Variants in SLX4IP observed in about 807,000 individuals in gnomAD.
SLX4IP encodes the protein SLX4 interacting protein, also known as protein SLX4IP.
In SLX4IP, 34 loss-of-function variants were observed where a neutral mutation model predicts 32.9. That is an observed-to-expected ratio of 1.03 (90% CI 0.79 to 1.38). The LOEUF is 1.38. SLX4IP is among the 40% of genes most tolerant of loss of function. The pLI, the probability that SLX4IP is intolerant of heterozygous loss-of-function variation, is 0.00. For missense variants in SLX4IP, 444 were observed against 479.0 expected (o/e 0.93, Z 0.68); for synonymous variants, 172 against 171.7 (o/e 1.00, Z -0.01).
At chr20:10,516,243 G>A (rs1324953166) in intron 2 of SLX4IP, among the ~76,000 whole-genome samples, 2 of 152,222 alleles carry the variant, frequency 1.3e-5, no homozygotes, top group East Asian at 3.9e-4. Flanking sequence ...GCCTTCCTAG[G>A]CATGGGTAGG....
intron 4 of SLX4IP, among the ~76,000 whole-genome samples, chr20:10,575,328 A>G (rs757495672): frequency 3.3e-5 from 5 of 152,200 alleles, no homozygotes; most frequent in African/African-American, 9.6e-5. Context: ...TGTTGGGAAC[A>G]TAGTACCTGG....
At chr20:10,539,656 TA>T (rs1157620533) in intron 2 of SLX4IP, among the ~76,000 whole-genome samples, 1 of 152,200 alleles carries the variant, frequency 6.6e-6, no homozygotes, top group Admixed American at 6.5e-5. Flanking sequence ...GGAATTTACT[TA>T]AAACAAGGAA....
chr20:10,533,697 G>A (rs1323137209), intron 2 of SLX4IP, among the ~76,000 whole-genome samples: 1 of 145,374 alleles, frequency 6.9e-6, no homozygotes, highest in Admixed American at 7.2e-5. Context: ...TTAGCTCACT[G>A]CAAGCTCCAC....
chr20:10,451,529 A>G (rs879510781), intron 1 of SLX4IP, among the ~76,000 whole-genome samples: 2 of 152,212 alleles, frequency 1.3e-5, no homozygotes, highest in Admixed American at 6.5e-5. Flanking sequence ...ACAAGTGTCT[A>G]TTGAGCACCT....
chr20:10,511,184 C>G (rs569467343), intron 2 of SLX4IP, among the ~76,000 whole-genome samples: 55 of 152,352 alleles, frequency 3.6e-4, no homozygotes, highest in Non-Finnish European at 6.6e-4. Context: ...TTCTCATAAT[C>G]TGCTGACACC....
chr20:10,616,546 C>T (rs995889800), intron 6 of SLX4IP, among the ~76,000 whole-genome samples: 5 of 151,866 alleles, frequency 3.3e-5, no homozygotes, highest in African/African-American at 4.8e-5. Flanking sequence ...ACCACCAGTA[C>T]ACACACACAC....
Position 10,518,507 on chromosome 20 carries a change from TTCC to T in SLX4IP, c.28-37722_28-37720del, listed in dbSNP as rs1399162181. 1.4e-4 allele frequency among the ~76,000 whole-genome samples: 13 copies of T among 93,034 alleles called. 1 individual carries two copies. Among genetic ancestry groups the T allele is most frequent in the Non-Finnish European group, 1.5e-4 (6 of 40,726 alleles). 61.0% of individuals were successfully genotyped at this position (93,034 alleles called of 152,430 possible). A position where few individuals can be genotyped will look rare whatever the true frequency, so the allele number is the denominator to read the frequency against. On this transcript the variant is annotated intron_variant, in intron 2 of 7. Coordinates refer to ENST00000334534, the MANE Select transcript of SLX4IP (RefSeq NM_001009608.3). ...CCTTTCCTTTTCCTTCCTTCCTTCC[TTCC>T]TTCCTTCCTTCCTTCCTTCCTTCCT... is the stretch of plus-strand genomic sequence containing the variant.
chr20:10,622,791 T>C lies in SLX4IP; in HGVS notation c.639T>C (p.Ser213=), dbSNP rs1419259891. The C allele has an allele frequency of 3.1e-6, 5 of 1,614,022 alleles. No individual in the cohort carries two copies. Among genetic ancestry groups the C allele is most frequent in the Non-Finnish European group, 4.2e-6 (5 of 1,180,008 alleles). The part of the protein sequence containing the change: ...RRRNDGQASS[S]PPSESMGQAK... The stretch of plus-strand genomic sequence containing the variant: ...GGAATGATGGTCAGGCTTCCTCCAG[T>C]CCCCCATCAGAATCCATGGGACAAG... The change falls in exon 8 of 8, where the codon AGT becomes AGC. Residue 213 remains serine (S), a synonymous_variant. Transcript: ENST00000334534.
At position 10,495,933 on chromosome 20, in the gene SLX4IP, T is replaced by G. The variant is rs1041295431; in HGVS notation, c.27+37702T>G. On this transcript the variant is annotated intron_variant, in intron 2 of 7. Transcript: ENST00000334534. ...TGGTTGATTTTTAATTTTGTTTCAT[T>G]TTTGGTTAAATTTTTAAAGACATTT... Among the ~76,000 whole-genome samples the G allele has an allele frequency of 2.0e-5, 3 of 152,228 alleles. No homozygotes were observed. The South Asian group carries it at 6.2e-4, about 32-fold the overall frequency.
At chr20:10,460,383 A>G (rs1449084333) in intron 2 of SLX4IP, among the ~76,000 whole-genome samples, 2 of 152,158 alleles carry the variant, frequency 1.3e-5, no homozygotes, top group Non-Finnish European at 2.9e-5. Flanking sequence ...TCAATTGAGT[A>G]ATTTTTCCTT....
rs145049544 is a variant in SLX4IP at position 10,453,959 on chromosome 20, A to G, written c.-29-4217A>G. Among the ~76,000 whole-genome samples, 13 of 152,152 alleles carry G rather than the reference A, an allele frequency of 8.5e-5. No homozygotes were observed. In the East Asian group the frequency reaches 2.1e-3, roughly 25 times the overall value. On this transcript the variant is annotated intron_variant, in intron 1 of 7. Coordinates refer to ENST00000334534, the MANE Select transcript of SLX4IP (RefSeq NM_001009608.3). ...TCTATTAAGTTTTTAAAATTCAACT[A>G]TCATTGTTTTAGTTTGTTGTCTTCT...
Position 10,489,154 on chromosome 20 carries a change from G to A in SLX4IP, c.27+30923G>A, listed in dbSNP as rs148378393. Among the ~76,000 whole-genome samples, 228 of 152,284 alleles carry A rather than the reference G, an allele frequency of 1.5e-3. No homozygotes were observed. In the Middle Eastern group the frequency reaches 0.02, roughly 14 times the overall value. ...AGTAGTGCAGCAGCAGCCTGGAATC[G>A]TGAAGTGTAGTTCATGCCAAACGTT... On this transcript the variant is annotated intron_variant, in intron 2 of 7. Coordinates refer to ENST00000334534, the MANE Select transcript of SLX4IP (RefSeq NM_001009608.3).
At chr20:10,508,133 T>C (rs1351591893) in intron 2 of SLX4IP, among the ~76,000 whole-genome samples, 1 of 152,144 alleles carries the variant, frequency 6.6e-6, no homozygotes, top group Non-Finnish European at 1.5e-5. Context: ...GCCAGCCTTA[T>C]ATGAGAGGAC....
chr20:10,596,773 A>G (rs1052347744), intron 4 of SLX4IP, among the ~76,000 whole-genome samples: 5 of 152,156 alleles, frequency 3.3e-5, no homozygotes, highest in African/African-American at 1.2e-4. Context: ...TTCTTCCCTC[A>G]GCAGTTGGAC....
At chr20:10,551,280 A>G (rs2067516213) in intron 2 of SLX4IP, among the ~76,000 whole-genome samples, 1 of 152,212 alleles carries the variant, frequency 6.6e-6, no homozygotes, top group Non-Finnish European at 1.5e-5. Flanking sequence ...ATTTCACGAA[A>G]TATGAAAAAT....
chr20:10,620,338 T>C (rs1235151235), intron 6 of SLX4IP, among the ~76,000 whole-genome samples: 2 of 152,210 alleles, frequency 1.3e-5, no homozygotes, highest in East Asian at 3.9e-4. Flanking sequence ...GCAAGGTAGG[T>C]AGGCTTTTAC....
chr20:10,533,343 C>G (rs140568957), intron 2 of SLX4IP, among the ~76,000 whole-genome samples: 2 of 152,086 alleles, frequency 1.3e-5, no homozygotes, highest in Non-Finnish European at 2.9e-5. Context: ...TGCTCTGTCG[C>G]CCAGGCTGCA....
intron 4 of SLX4IP, among the ~76,000 whole-genome samples, chr20:10,594,241 T>C (rs2066744616): frequency 6.6e-6 from 1 of 152,094 alleles, no homozygotes; most frequent in African/African-American, 2.4e-5. Context: ...AATAATGGAG[T>C]CATCTCAGGG....
intron 4 of SLX4IP, among the ~76,000 whole-genome samples, chr20:10,584,603 C>T (rs894861254): frequency 6.6e-6 from 1 of 152,154 alleles, no homozygotes; most frequent in Non-Finnish European, 1.5e-5. Flanking sequence ...AGTTCTCTGG[C>T]TCTCACCCCA....
Sources: gnomAD v4.1 joint callset for allele counts (sites outside exome capture counted in the v4.1 genomes callset) on GRCh38, gnomAD v4.1.1 for gene constraint, MANE v1.5 for transcripts, NCBI Gene and HGNC (gene_info 2026-07-23, HGNC 2026-07-21) for gene names.